CSMD1: variants seen among roughly 807,000 people sequenced by gnomAD.
The protein encoded by CSMD1 is CUB and Sushi multiple domains 1.
CSMD1 carries 213 observed loss-of-function variants against 417.5 expected under a neutral mutation model. The ratio of observed to expected loss-of-function variants is 0.51; its 90% confidence interval spans 0.46 to 0.57. The LOEUF (loss-of-function observed/expected upper bound fraction) is 0.57, where lower values mean the gene tolerates loss of function less well. Ranked by LOEUF, CSMD1 falls within the 20% of genes least tolerant of loss-of-function variation. CSMD1 has a pLI of 0.00. For synonymous variants in CSMD1, 2,862 were observed against 1,736.8 expected, an observed-to-expected ratio of 1.65 and a Z score of -16.11; for missense variants, 6,923 against 4,529.7, an observed-to-expected ratio of 1.53 and a Z score of -15.17.
intron 1 of CSMD1, among the ~76,000 whole-genome samples, chr8:4,680,569 C>G (rs900562470): frequency 6.6e-6 from 1 of 152,020 alleles, no homozygotes. Flanking sequence ...GGGGCCACCA[C>G]ATTCTAAGAT....
At chr8:4,051,907 C>T (rs796941784) in intron 3 of CSMD1, among the ~76,000 whole-genome samples, 207 of 131,490 alleles carry the variant, frequency 1.6e-3, no homozygotes, top group Non-Finnish European at 2.2e-3. Context: ...TTCCTTCCTT[C>T]CTTCCTTTCT....
intron 3 of CSMD1, among the ~76,000 whole-genome samples, chr8:4,381,347 G>A (rs959205504): frequency 6.6e-6 from 1 of 152,110 alleles, no homozygotes; most frequent in African/African-American, 2.4e-5. Context: ...AATGGATGAG[G>A]CATCTGGTGA....
At chr8:4,635,928 T>C (rs17417676) in intron 2 of CSMD1, among the ~76,000 whole-genome samples, 4,724 of 151,980 alleles carry the variant, frequency 0.031, 122 homozygotes, top group Non-Finnish European at 0.048. Flanking sequence ...AAACAGATAA[T>C]AGATATTGTA....
At chr8:3,791,253 T>C (rs1799723685) in intron 5 of CSMD1, among the ~76,000 whole-genome samples, 1 of 152,252 alleles carries the variant, frequency 6.6e-6, no homozygotes. Context: ...TCTATAATTA[T>C]ATCCAAAGCA....
intron 5 of CSMD1, among the ~76,000 whole-genome samples, chr8:3,879,676 C>T (rs920670351): frequency 1.3e-5 from 2 of 152,248 alleles, no homozygotes; most frequent in South Asian, 2.1e-4. Context: ...TATTTCTTGA[C>T]GTCACATAGT....
At chr8:3,982,580 T>G (rs1432362918) in intron 5 of CSMD1, among the ~76,000 whole-genome samples, 4 of 151,966 alleles carry the variant, frequency 2.6e-5, no homozygotes, top group Middle Eastern at 3.2e-3. Flanking sequence ...CCTAGTCATT[T>G]AGAATTTCAC....
intron 3 of CSMD1, among the ~76,000 whole-genome samples, chr8:4,336,891 G>T (rs117854547): frequency 0.018 from 2,806 of 152,126 alleles, 38 homozygotes; most frequent in Middle Eastern, 0.034. Flanking sequence ...ACGGGAATGG[G>T]ATTGCCTAAT....
intron 7 of CSMD1, among the ~76,000 whole-genome samples, chr8:3,667,654 C>T (rs1394625302): frequency 6.6e-6 from 1 of 152,088 alleles, no homozygotes; most frequent in Non-Finnish European, 1.5e-5. Context: ...AAACCCAGGC[C>T]TTGGGGTGAA....
At chr8:4,404,361 T>C (rs988210251) in intron 3 of CSMD1, among the ~76,000 whole-genome samples, 1 of 152,148 alleles carries the variant, frequency 6.6e-6, no homozygotes, top group African/African-American at 2.4e-5. Context: ...AGCGCAGGGA[T>C]TTTGTGCTGT....
At chr8:2,975,131 C>A (rs1156992075) in intron 55 of CSMD1, among the ~76,000 whole-genome samples, 1 of 152,154 alleles carries the variant, frequency 6.6e-6, no homozygotes, top group Non-Finnish European at 1.5e-5. Context: ...GAATAAGGGG[C>A]AGTCTAATAT....
chr8:3,344,216 T>C (rs578019949), intron 22 of CSMD1, among the ~76,000 whole-genome samples: 1 of 152,194 alleles, frequency 6.6e-6, no homozygotes. Flanking sequence ...AGTGGGTCTG[T>C]GTCACCATCA....
chr8:3,658,761 T>G (rs996802845), intron 7 of CSMD1, among the ~76,000 whole-genome samples: 22 of 152,050 alleles, frequency 1.4e-4, no homozygotes, highest in African/African-American at 5.1e-4. Context: ...TCAGCCTGGG[T>G]GACAAAGAGA....
intron 3 of CSMD1, among the ~76,000 whole-genome samples, chr8:4,142,609 C>CA (rs1195409363): frequency 6.6e-6 from 1 of 151,074 alleles, no homozygotes; most frequent in Non-Finnish European, 1.5e-5. Flanking sequence ...GCTAGCTTAG[C>CA]AGCACTGGCT....
At chr8:4,421,260 A>G (rs934476446) in intron 2 of CSMD1, among the ~76,000 whole-genome samples, 1 of 152,204 alleles carries the variant, frequency 6.6e-6, no homozygotes, top group Admixed American at 6.5e-5. Context: ...AAAAAACAAA[A>G]AACAGTGAGT....
At chr8:4,252,174 G>T (rs1304883163) in intron 3 of CSMD1, among the ~76,000 whole-genome samples, 1 of 152,080 alleles carries the variant, frequency 6.6e-6, no homozygotes, top group Non-Finnish European at 1.5e-5. Flanking sequence ...AGAAAGCTGG[G>T]GTGGGGAGAT....
rs559133190 is a variant in CSMD1, at chr8:3,867,231, A to G, written c.819-113189T>C. 4.3e-4 allele frequency among the ~76,000 whole-genome samples: 66 copies of G among 152,316 alleles called. 1 individual carries two copies. Among genetic ancestry groups the G allele is most frequent in the South Asian group, 6.2e-4 (3 of 4,830 alleles). ...GAGTGAATTAATGCATGAATAAATTAGTAACTAGCTAGCTAGTGTAAGAAG... is the reference window on the plus strand; with the variant it reads ...GAGTGAATTAATGCATGAATAAATTGGTAACTAGCTAGCTAGTGTAAGAAG... On this transcript the variant is annotated intron_variant, in intron 5 of 69. Transcript: ENST00000635120.
At chr8:3,705,721 C>G (rs1801130132) in intron 7 of CSMD1, among the ~76,000 whole-genome samples, 1 of 152,202 alleles carries the variant, frequency 6.6e-6, no homozygotes. Flanking sequence ...AGGATTATAT[C>G]ACTTCTGCAA....
intron 5 of CSMD1, among the ~76,000 whole-genome samples, chr8:3,969,665 C>T (rs1812942607): frequency 6.6e-6 from 1 of 152,078 alleles, no homozygotes; most frequent in South Asian, 2.1e-4. Context: ...GTAAAGGTTC[C>T]TTGCTTTGAT....
At chr8:3,436,345 A>G (rs1224159699) in intron 12 of CSMD1, among the ~76,000 whole-genome samples, 1 of 152,214 alleles carries the variant, frequency 6.6e-6, no homozygotes, top group Non-Finnish European at 1.5e-5. Context: ...GAGACAGGTT[A>G]TATATTACTA....
Sources: allele counts gnomAD v4.1 joint callset (sites outside exome capture counted in the v4.1 genomes callset), GRCh38; gene constraint gnomAD v4.1.1; transcripts MANE v1.5; gene names NCBI Gene and HGNC (gene_info 2026-07-23, HGNC 2026-07-21).